RCBTB1: variants seen among roughly 807,000 people sequenced by gnomAD.
RCBTB1 encodes RCC1 and BTB domain containing protein 1, also known as RCC1 and BTB domain-containing protein 1.
In RCBTB1, 46 loss-of-function variants were observed where a neutral mutation model predicts 62.4. That is an observed-to-expected ratio of 0.74 (90% CI 0.58 to 0.94). The LOEUF (loss-of-function observed/expected upper bound fraction) is 0.94, where lower values mean the gene tolerates loss of function less well. Among genes scored for constraint, RCBTB1 ranks in the 40% least tolerant of loss-of-function variants. The pLI, the probability that RCBTB1 is intolerant of heterozygous loss-of-function variation, is 0.00. For synonymous variants in RCBTB1, 222 were observed against 245.8 expected (o/e 0.90, Z 0.91); for missense variants, 565 against 654.9 (o/e 0.86, Z 1.50).
intron 4 of RCBTB1, among the ~76,000 whole-genome samples, chr13:49,561,832 C>G (rs1962448948): frequency 6.6e-6 from 1 of 151,888 alleles, no homozygotes; most frequent in South Asian, 2.1e-4. Context: ...CTGGGCTTGC[C>G]TGTAATCCCA....
At chr13:49,582,042 G>A (rs932214361) in intron 1 of RCBTB1, among the ~76,000 whole-genome samples, 4 of 152,224 alleles carry the variant, frequency 2.6e-5, no homozygotes, top group Admixed American at 6.5e-5. Flanking sequence ...GTTGCAGGAC[G>A]TTTTCTGTTA....
Position 49,567,334 on chromosome 13 carries a change from A to G in RCBTB1, c.-41-14T>C, listed in dbSNP as rs1010214939. The G allele has an allele frequency of 6.3e-7, 1 of 1,579,918 alleles. No individual in the cohort carries two copies. The highest frequency in any genetic ancestry group is 8.6e-7 in the Non-Finnish European group (1 of 1,160,374). ...AAGCCGACATCTCTGCTGGAACAGA[A>G]AGGATTCCAGAAAAAAATTAAATAG... On this transcript the variant is annotated splice_polypyrimidine_tract_variant and intron_variant, in intron 2 of 12. Transcript: ENST00000378302.
intron 12 of RCBTB1, among the ~76,000 whole-genome samples, chr13:49,540,491 G>C (rs972656521): frequency 2.5e-4 from 38 of 152,186 alleles, no homozygotes; most frequent in Admixed American, 1.4e-3. Context: ...CACATCCCCA[G>C]CTTATGACAG....
chr13:49,553,938 G>C (rs1961619111), intron 6 of RCBTB1, among the ~76,000 whole-genome samples: 1 of 152,136 alleles, frequency 6.6e-6, no homozygotes, highest in Admixed American at 6.6e-5. Context: ...GAGTAACATA[G>C]AAAATCACCA....
At chr13:49,556,411 C>T (rs539291650) in intron 5 of RCBTB1, among the ~76,000 whole-genome samples, 3 of 151,888 alleles carry the variant, frequency 2.0e-5, no homozygotes, top group African/African-American at 7.3e-5. Context: ...AGGATGGTCT[C>T]GATCTCCTGA....
intron 8 of RCBTB1, 58 bp from the exon 9 acceptor site, chr13:49,549,706 C>A: frequency 6.6e-7 from 1 of 1,522,814 alleles, no homozygotes. Flanking sequence ...CCACAGCACA[C>A]CACACAAGGC....
At chr13:49,550,707 T>C (rs999018748) in intron 8 of RCBTB1, among the ~76,000 whole-genome samples, 1 of 152,202 alleles carries the variant, frequency 6.6e-6, no homozygotes, top group African/African-American at 2.4e-5. Context: ...GCAGTAATTA[T>C]ACCAAGATGC....
chr13:49,564,375 A>G (rs1962724361), intron 4 of RCBTB1, among the ~76,000 whole-genome samples: 1 of 152,010 alleles, frequency 6.6e-6, no homozygotes, highest in South Asian at 2.1e-4. Flanking sequence ...TCACGAGGTC[A>G]GGAGTTCCAG....
intron 2 of RCBTB1, among the ~76,000 whole-genome samples, chr13:49,578,208 C>T (rs1373769463): frequency 6.6e-6 from 1 of 152,132 alleles, no homozygotes; most frequent in African/African-American, 2.4e-5. Flanking sequence ...ACACATCCTC[C>T]CATATACTTT....
chr13:49,582,412 G>A (rs897593776), intron 1 of RCBTB1, among the ~76,000 whole-genome samples: 2 of 152,126 alleles, frequency 1.3e-5, no homozygotes, highest in Non-Finnish European at 2.9e-5. Context: ...GCTTGAACTC[G>A]GGAGACGGAG....
intron 5 of RCBTB1, among the ~76,000 whole-genome samples, chr13:49,556,037 G>T (rs1390045647): frequency 6.6e-6 from 1 of 152,028 alleles, no homozygotes; most frequent in African/African-American, 2.4e-5. Flanking sequence ...GTGTGTGTGT[G>T]TATACACACA....
At chr13:49,545,448 G>A (rs1293974571) in intron 9 of RCBTB1, among the ~76,000 whole-genome samples, 1 of 152,102 alleles carries the variant, frequency 6.6e-6, no homozygotes, top group East Asian at 1.9e-4. Flanking sequence ...TAAACACAGA[G>A]CAAATTCACT....
intron 12 of RCBTB1, among the ~76,000 whole-genome samples, chr13:49,534,592 A>G (rs541049149): frequency 6.6e-6 from 1 of 152,346 alleles, no homozygotes; most frequent in Non-Finnish European, 1.5e-5. Flanking sequence ...ATGCTCAAAG[A>G]CATTGTTGTA....
Position 49,544,630 on chromosome 13 carries a change from G to T in RCBTB1, c.1172+107C>A, listed in dbSNP as rs1160316138. On this transcript the variant is annotated intron_variant, in intron 10 of 12. Transcript: ENST00000378302. Reference sequence around the variant, plus strand: ...ACTATCTGCAAAAATATTAAGTAGTGACATTTCTCTCTACTACCAAGGCTA... The same window carrying T: ...ACTATCTGCAAAAATATTAAGTAGTTACATTTCTCTCTACTACCAAGGCTA... 14 of 866,624 alleles carry T rather than the reference G, an allele frequency of 1.6e-5. No homozygotes were observed. The African/African-American group carries it at 2.0e-4, about 13-fold the overall frequency. 53.7% of individuals were successfully genotyped at this position (866,624 alleles called of 1,614,324 possible). A position where few individuals can be genotyped will look rare whatever the true frequency, so the allele number is the denominator to read the frequency against.
At chr13:49,571,505 G>A (rs1055696425) in intron 2 of RCBTB1, among the ~76,000 whole-genome samples, 2 of 152,252 alleles carry the variant, frequency 1.3e-5, no homozygotes, top group African/African-American at 2.4e-5. Context: ...CTCTGTCCTC[G>A]GAGCTCACAA....
At chr13:49,539,079 A>G (rs7325851) in intron 12 of RCBTB1, among the ~76,000 whole-genome samples, 94,286 of 151,350 alleles carry the variant, frequency 0.62, 30,836 homozygotes, top group Non-Finnish European at 0.73. Flanking sequence ...CATGTTGGCC[A>G]GGCTGGTCTC....
chr13:49,549,134 TAAAA>T (rs66645127), intron 9 of RCBTB1, among the ~76,000 whole-genome samples: 2 of 117,288 alleles, frequency 1.7e-5, no homozygotes, highest in Non-Finnish European at 3.4e-5. Context: ...TCTGTCTCAA[TAAAA>T]AAAAAAAAAA....
intron 5 of RCBTB1, among the ~76,000 whole-genome samples, chr13:49,558,149 C>G (rs952844843): frequency 2.0e-5 from 3 of 152,200 alleles, no homozygotes; most frequent in African/African-American, 7.2e-5. Flanking sequence ...TCTGGGTACT[C>G]TGATTTCCTC....
In RCBTB1 at chr13:49,559,966, T is replaced by C. The variant is rs1962298223; in HGVS notation, c.396A>G (p.Glu132=). The C allele has an allele frequency of 6.2e-6, 10 of 1,614,058 alleles. No individual in the cohort carries two copies. Among genetic ancestry groups the C allele is most frequent in the Non-Finnish European group, 8.5e-6 (10 of 1,180,024 alleles). Reference sequence around the variant, plus strand: ...TTGAATGATGTGAGCCACAAGCTACTTCCACCACTTGCTTGATCAAGAGAT... The same window carrying C: ...TTGAATGATGTGAGCCACAAGCTACCTCCACCACTTGCTTGATCAAGAGAT... ...CTNLLIKQVV[E]VACGSHHSMA... The change falls in exon 5 of 13, where the codon GAA becomes GAG. Residue 132 remains glutamate, a synonymous_variant. Transcript: ENST00000378302.
Sources: gnomAD v4.1 joint callset for allele counts (sites outside exome capture counted in the v4.1 genomes callset) on GRCh38, gnomAD v4.1.1 for gene constraint, MANE v1.5 for transcripts, NCBI Gene and HGNC (gene_info 2026-07-23, HGNC 2026-07-21) for gene names.